COL13A1: variants seen among roughly 807,000 people sequenced by gnomAD.
The protein encoded by COL13A1 is collagen type XIII alpha 1 chain, also known as collagen alpha-1(XIII) chain.
A neutral mutation model predicts 130.9 loss-of-function variants in COL13A1; 89 were observed. The ratio of observed to expected loss-of-function variants is 0.68; its 90% CI spans 0.57 to 0.81. COL13A1 has a LOEUF of 0.81. Ranked by LOEUF, COL13A1 falls within the 30% of genes least tolerant of loss-of-function variation. The pLI is 0.00. For synonymous variants in COL13A1, 402 were observed against 341.6 expected (o/e 1.18, Z -1.95); for missense variants, 879 against 934.6 (o/e 0.94, Z 0.78).
intron 6 of COL13A1, among the ~76,000 whole-genome samples, chr10:69,879,669 G>T (rs887731814): frequency 6.6e-6 from 1 of 152,230 alleles, no homozygotes; most frequent in Non-Finnish European, 1.5e-5. Context: ...CCCAGAGGAG[G>T]TATGTGGGCT....
At chr10:69,842,203 C>A (rs1212778528) in intron 2 of COL13A1, among the ~76,000 whole-genome samples, 1 of 152,198 alleles carries the variant, frequency 6.6e-6, no homozygotes, top group Non-Finnish European at 1.5e-5. Context: ...CTCGTGAGAT[C>A]TGAAGCTTTC....
At chr10:69,933,166 A>G (rs1291942500) in intron 31 of COL13A1, among the ~76,000 whole-genome samples, 1 of 132,272 alleles carries the variant, frequency 7.6e-6, no homozygotes. Context: ...AAAAAAAAAA[A>G]ACAGAACCAT....
intron 6 of COL13A1, 24 bp downstream of exon 6, chr10:69,878,089 G>T (rs1410294685): frequency 2.8e-6 from 2 of 702,806 alleles, no homozygotes; most frequent in Admixed American, 4.0e-5. Flanking sequence ...TTCCCCTTCT[G>T]CCCTGCACCC....
intron 7 of COL13A1, among the ~76,000 whole-genome samples, chr10:69,880,772 G>T (rs542901510): frequency 3.9e-5 from 6 of 152,346 alleles, no homozygotes; most frequent in Admixed American, 1.3e-4. Context: ...CCCTTGGGAG[G>T]GTTCTGAGGG....
intron 2 of COL13A1, among the ~76,000 whole-genome samples, chr10:69,856,091 T>G (rs1856373113): frequency 6.6e-6 from 1 of 152,266 alleles, no homozygotes; most frequent in Admixed American, 6.5e-5. Context: ...AATTAGCAGC[T>G]TGAGGACCAA....
At chr10:69,846,390 G>A (rs1853095595) in intron 2 of COL13A1, among the ~76,000 whole-genome samples, 1 of 152,092 alleles carries the variant, frequency 6.6e-6, no homozygotes, top group Admixed American at 6.5e-5. Flanking sequence ...GGGGTTGGGG[G>A]GAGGGGCGGT....
chr10:69,858,720 T>C (rs1390968835), intron 2 of COL13A1, among the ~76,000 whole-genome samples: 2 of 152,182 alleles, frequency 1.3e-5, no homozygotes, highest in Non-Finnish European at 2.9e-5. Flanking sequence ...CAAAGGAACT[T>C]GGAAGGGCTC....
At chr10:69,925,765 C>G in intron 25 of COL13A1, 39 bp from the exon 26 acceptor site, 3 of 1,529,858 alleles carry the variant, frequency 2.0e-6, no homozygotes, top group Non-Finnish European at 2.7e-6. Flanking sequence ...CCGGCCCTCC[C>G]GGTCCAGGCC....
intron 4 of COL13A1, 101 bp downstream of exon 4, chr10:69,872,311 T>C: frequency 7.4e-7 from 1 of 1,354,844 alleles, no homozygotes; most frequent in Non-Finnish European, 1.0e-6. Flanking sequence ...TCCAGGTGTA[T>C]CTGGGTGACA....
At chr10:69,877,012 TG>T in intron 5 of COL13A1, among the ~76,000 whole-genome samples, 1 of 152,136 alleles carries the variant, frequency 6.6e-6, no homozygotes. Context: ...CCCATAGCAG[TG>T]GGGGTAGAAG....
chr10:69,870,924 C>G (rs1269778901), intron 3 of COL13A1, among the ~76,000 whole-genome samples: 1 of 151,856 alleles, frequency 6.6e-6, no homozygotes, highest in South Asian at 2.1e-4. Context: ...CACAGTTTTT[C>G]CTGAGAATGG....
intron 1 of COL13A1, among the ~76,000 whole-genome samples, chr10:69,815,068 G>A (rs568930008): frequency 6.6e-6 from 1 of 152,310 alleles, no homozygotes; most frequent in Non-Finnish European, 1.5e-5. Flanking sequence ...TGGCACTCAG[G>A]AAGCTGGCAG....
chr10:69,936,156 G>A (rs1450237510), intron 32 of COL13A1, among the ~76,000 whole-genome samples: 4 of 4,902 alleles, frequency 8.2e-4, no homozygotes, highest in Admixed American at 4.6e-3. Flanking sequence ...AAGGAAGGAA[G>A]GAAGGAAGGA....
At chr10:69,835,204 C>T (rs750677691) in intron 2 of COL13A1, among the ~76,000 whole-genome samples, 5 of 152,136 alleles carry the variant, frequency 3.3e-5, no homozygotes, top group African/African-American at 4.8e-5. Flanking sequence ...CTTGATCTTG[C>T]CACCACCTGC....
At chr10:69,850,997 C>G (rs1247498443) in intron 2 of COL13A1, among the ~76,000 whole-genome samples, 1 of 152,188 alleles carries the variant, frequency 6.6e-6, no homozygotes, top group Non-Finnish European at 1.5e-5. Flanking sequence ...AAAGGGGAAT[C>G]TGGATGGCAC....
intron 3 of COL13A1, among the ~76,000 whole-genome samples, chr10:69,871,527 G>A (rs1031904961): frequency 6.6e-6 from 1 of 152,184 alleles, no homozygotes; most frequent in East Asian, 1.9e-4. Flanking sequence ...CCATTGACGG[G>A]ATGTCCTCAG....
intron 36 of COL13A1, among the ~76,000 whole-genome samples, chr10:69,944,709 A>G (rs2068210461): frequency 6.6e-6 from 1 of 150,600 alleles, no homozygotes. Flanking sequence ...AAAAAGAAAA[A>G]GAAAAAAGAG....
At chr10:69,825,855 A>G (rs946973364) in intron 2 of COL13A1, among the ~76,000 whole-genome samples, 3 of 152,180 alleles carry the variant, frequency 2.0e-5, no homozygotes, top group Non-Finnish European at 4.4e-5. Context: ...CAAAATAGCC[A>G]TCTACTGGCT....
chr10:69,932,618 A>G lies in COL13A1; in HGVS notation c.1728+14A>G. ...CCAGGAGCAGAGGTACATGAGAGAT[A>G]ATTTGACAGAGACTCATCAAGCGAC... On this transcript the variant is annotated intron_variant, in intron 31 of 40. Coordinates refer to ENST00000645393, the MANE Select transcript of COL13A1 (RefSeq NM_001368882.1). The G allele has an allele frequency of 6.3e-7, 1 of 1,576,258 alleles. No individual in the cohort carries two copies. The highest frequency in any genetic ancestry group is 8.7e-7 in the Non-Finnish European group (1 of 1,146,160).
Sources: allele counts gnomAD v4.1 joint callset (sites outside exome capture counted in the v4.1 genomes callset), GRCh38; gene constraint gnomAD v4.1.1; transcripts MANE v1.5; gene names NCBI Gene and HGNC (gene_info 2026-07-23, HGNC 2026-07-21).